The following BIRC2 variants were observed in gnomAD, a reference collection of about 807,000 sequenced individuals.
BIRC2 encodes the protein baculoviral IAP repeat containing 2.
In BIRC2, 18 loss-of-function variants were observed where a neutral mutation model predicts 60.9. That is an observed-to-expected ratio of 0.30 (90% confidence interval 0.20 to 0.44). BIRC2 has a LOEUF of 0.44. Ranked by LOEUF, BIRC2 falls within the 20% of genes least tolerant of loss-of-function variation. The pLI, the probability that BIRC2 is intolerant of heterozygous loss-of-function variation, is 1.00. For missense variants in BIRC2, 701 were observed against 728.5 expected, an observed-to-expected ratio of 0.96 and a Z score of 0.43; for synonymous variants, 282 against 247.7, an observed-to-expected ratio of 1.14 and a Z score of -1.30.
intron 6 of BIRC2, among the ~76,000 whole-genome samples, chr11:102,373,068 C>T (rs374449214): frequency 8.7e-5 from 13 of 149,844 alleles, no homozygotes; most frequent in South Asian, 6.4e-4. Context: ...TGTCTCTGCA[C>T]GTGAGATGGG....
chr11:102,369,004 C>T (rs144308116), intron 6 of BIRC2, among the ~76,000 whole-genome samples: 2 of 151,770 alleles, frequency 1.3e-5, no homozygotes, highest in African/African-American at 4.8e-5. Context: ...ATAGAACTTA[C>T]AATGAAATTC....
chr11:102,368,438 C>G lies in BIRC2; in HGVS notation c.1256C>G (p.Thr419Arg). The change falls in exon 6 of 9, where the codon ACA (threonine) becomes AGA (arginine). Residue 419 changes from threonine (T) to arginine (R), a missense_variant. Transcript: ENST00000227758. ...VKQTVQSKIL[T>R]TGENYKTVND... ...CAAACAGTTCAAAGTAAAATCCTGACAACTGGAGAGAACTATAAAACAGTT... is the reference window on the plus strand; with the variant it reads ...CAAACAGTTCAAAGTAAAATCCTGAGAACTGGAGAGAACTATAAAACAGTT... 6.2e-7 allele frequency: 1 copy of G among 1,613,956 alleles called. No individual in the cohort carries two copies. Among genetic ancestry groups the G allele is most frequent in the Non-Finnish European group, 8.5e-7 (1 of 1,179,952 alleles).
chr11:102,356,046 G>T (rs1025735802), intron 3 of BIRC2, among the ~76,000 whole-genome samples: 1 of 152,172 alleles, frequency 6.6e-6, no homozygotes, highest in African/African-American at 2.4e-5. Context: ...TCTGCAAACA[G>T]AGAGTTTGAC....
chr11:102,375,563 A>G (rs912443432), intron 6 of BIRC2, among the ~76,000 whole-genome samples: 1 of 152,078 alleles, frequency 6.6e-6, no homozygotes, highest in African/African-American at 2.4e-5. Flanking sequence ...GGCGGATCAC[A>G]AGGTCAGGAA....
At chr11:102,364,126 C>T (rs112008992) in intron 5 of BIRC2, among the ~76,000 whole-genome samples, 39 of 99,690 alleles carry the variant, frequency 3.9e-4, no homozygotes, top group African/African-American at 1.4e-3. Flanking sequence ...ACTGGGAAGT[C>T]AGCTAATAAA....
At chr11:102,377,783 C>G (rs367989420) in intron 7 of BIRC2, 33 bp downstream of exon 7, 3 of 1,593,830 alleles carry the variant, frequency 1.9e-6, no homozygotes, top group African/African-American at 1.4e-5. Context: ...TTTAGAAATT[C>G]TTAGGACTGG....
intron 6 of BIRC2, among the ~76,000 whole-genome samples, chr11:102,372,381 T>G (rs1458371327): frequency 6.6e-6 from 1 of 152,158 alleles, no homozygotes; most frequent in Non-Finnish European, 1.5e-5. Flanking sequence ...TTTGTTCTCA[T>G]TGGTTTCAAA....
chr11:102,351,032 A>AAAAGG, intron 3 of BIRC2, 89 bp downstream of exon 3: 1 of 1,187,000 alleles, frequency 8.4e-7, no homozygotes, highest in Non-Finnish European at 1.2e-6. Context: ...CCTTTAAATT[A>AAAAGG]TAACAAAGCC....
chr11:102,363,204 A>G (rs1951505615), intron 4 of BIRC2, among the ~76,000 whole-genome samples: 1 of 152,154 alleles, frequency 6.6e-6, no homozygotes, highest in Non-Finnish European at 1.5e-5. Context: ...TTTTGTAACC[A>G]ACTTGATTTT....
chr11:102,350,141 G>C lies in BIRC2; in HGVS notation c.287G>C (p.Gly96Ala), dbSNP rs1951339052. 1 of 1,614,190 alleles carries C rather than the reference G, an allele frequency of 6.2e-7. No homozygotes were observed. The highest frequency in any genetic ancestry group is 1.1e-5 in the South Asian group (1 of 91,082). Residue 96 changes from glycine to alanine, a missense_variant, in exon 2 of 9, where the codon GGA (glycine) becomes GCA (alanine). By Grantham distance (60) the Gly-to-Ala change is moderately conservative. Coordinates refer to ENST00000227758, the MANE Select transcript of BIRC2 (RefSeq NM_001166.5). ...CGLMLDNWKL[G>A]DSPIQKHKQL... ...CTGATGCTGGATAACTGGAAACTAGGAGACAGTCCTATTCAAAAGCATAAA... is the reference window on the plus strand; with the variant it reads ...CTGATGCTGGATAACTGGAAACTAGCAGACAGTCCTATTCAAAAGCATAAA...
rs752309499 is a variant in BIRC2, at chr11:102,377,485, T to C, written c.1367-11T>C. ...AAATCTAATGGATTTCTTTTTCTTT[T>C]TTTAATGAAGATGATTTGTCATTAA... On this transcript the variant is annotated splice_polypyrimidine_tract_variant and intron_variant, in intron 6 of 8. Transcript: ENST00000227758. The C allele has an allele frequency of 6.3e-7, 1 of 1,579,268 alleles. No homozygotes were observed. Among genetic ancestry groups the C allele is most frequent in the South Asian group, 1.2e-5 (1 of 84,684 alleles).
chr11:102,358,572 T>G (rs1193580770), intron 3 of BIRC2, among the ~76,000 whole-genome samples: 1 of 152,228 alleles, frequency 6.6e-6, no homozygotes, highest in African/African-American at 2.4e-5. Context: ...ATTTTTGAAG[T>G]CTTCTAGTAT....
intron 3 of BIRC2, among the ~76,000 whole-genome samples, chr11:102,362,343 C>T (rs887490048): frequency 1.3e-5 from 2 of 152,032 alleles, no homozygotes; most frequent in African/African-American, 2.4e-5. Context: ...ATGTGAACTT[C>T]TTGGAACATC....
At chr11:102,363,610 C>A in intron 4 of BIRC2, 58 bp from the exon 5 acceptor site, 1 of 1,340,404 alleles carries the variant, frequency 7.5e-7, no homozygotes, top group South Asian at 1.2e-5. Context: ...TAGTGTTGTT[C>A]TTTTCAGATT....
At position 102,350,828 on chromosome 11, in the gene BIRC2, C is replaced by CT. The variant is rs756779634; in HGVS notation, c.896-8dup. 1.4e-4 allele frequency: 229 copies of CT among 1,611,136 alleles called. No individual in the cohort carries two copies. The highest frequency in any genetic ancestry group is 4.2e-4 in the East Asian group (19 of 44,852). On this transcript the variant is annotated splice_polypyrimidine_tract_variant and intron_variant, in intron 2 of 8. Coordinates refer to ENST00000227758, the MANE Select transcript of BIRC2 (RefSeq NM_001166.5). ...AACATACGTGTTTTCAATATTTAGT[C>CT]TTTTTTTTCCTGAAGGTCGCAATGA... is the stretch of plus-strand genomic sequence containing the variant.
chr11:102,357,850 A>AT (rs1369135763), intron 3 of BIRC2, among the ~76,000 whole-genome samples: 1 of 151,902 alleles, frequency 6.6e-6, no homozygotes, highest in African/African-American at 2.4e-5. Context: ...TTTATTTAAG[A>AT]TTTTTTTTAA....
intron 6 of BIRC2, among the ~76,000 whole-genome samples, chr11:102,377,206 T>C (rs1951725253): frequency 6.6e-6 from 1 of 152,190 alleles, no homozygotes; most frequent in Admixed American, 6.6e-5. Context: ...ACAAGAGTAT[T>C]ATTATATATG....
In BIRC2 at chr11:102,352,678, A is replaced by G. The variant is rs949720280; in HGVS notation, c.995+1735A>G. Reference sequence around the variant, plus strand: ...ACTCCTGAGCTCAAGTGATCTGCTCACCTTTGCCTCCGAAAGTGCTGGGAT... The same window carrying G: ...ACTCCTGAGCTCAAGTGATCTGCTCGCCTTTGCCTCCGAAAGTGCTGGGAT... On this transcript the variant is annotated intron_variant, in intron 3 of 8. Coordinates refer to ENST00000227758, the MANE Select transcript of BIRC2 (RefSeq NM_001166.5). Among the ~76,000 whole-genome samples, 7 of 151,892 alleles carry G rather than the reference A, an allele frequency of 4.6e-5. No individual in the cohort carries two copies. The East Asian group carries it at 1.4e-3, about 29-fold the overall frequency.
At chr11:102,370,189 T>A (rs1189464312) in intron 6 of BIRC2, among the ~76,000 whole-genome samples, 1 of 149,406 alleles carries the variant, frequency 6.7e-6, no homozygotes, top group African/African-American at 2.5e-5. Flanking sequence ...ATTTGTCAAT[T>A]TTGGCTTTTG....
Sources: allele counts gnomAD v4.1 joint callset (sites outside exome capture counted in the v4.1 genomes callset), GRCh38; gene constraint gnomAD v4.1.1; transcripts MANE v1.5; gene names NCBI Gene and HGNC (gene_info 2026-07-23, HGNC 2026-07-21).